Variants in XPR1 observed in about 807,000 individuals in gnomAD.
XPR1 encodes the protein solute carrier family 53 member 1.
XPR1 carries 28 observed loss-of-function variants against 87.5 expected under a neutral mutation model. The observed-to-expected ratio is 0.32, with a 90% confidence interval of 0.24 to 0.44. The LOEUF (loss-of-function observed/expected upper bound fraction) is 0.44, where lower values mean the gene tolerates loss of function less well. XPR1 is among the 20% of genes least tolerant of loss of function. The pLI, the probability that XPR1 is intolerant of heterozygous loss-of-function variation, is 1.00. For synonymous variants in XPR1, 300 were observed against 306.1 expected, an observed-to-expected ratio of 0.98 and a Z score of 0.21; for missense variants, 559 against 862.3, an observed-to-expected ratio of 0.65 and a Z score of 4.41.
intron 2 of XPR1, among the ~76,000 whole-genome samples, chr1:180,703,082 G>A (rs1468931952): frequency 6.6e-6 from 1 of 152,108 alleles, no homozygotes; most frequent in Non-Finnish European, 1.5e-5. Flanking sequence ...GTTTCTCATT[G>A]GCTTAGACTG....
chr1:180,831,162 C>T (rs1242445743), intron 9 of XPR1, among the ~76,000 whole-genome samples: 1 of 152,120 alleles, frequency 6.6e-6, no homozygotes, highest in Admixed American at 6.5e-5. Flanking sequence ...GAGTACCATC[C>T]TTTCCTACTT....
At chr1:180,688,274 A>G (rs925346279) in intron 2 of XPR1, among the ~76,000 whole-genome samples, 41 of 151,024 alleles carry the variant, frequency 2.7e-4, no homozygotes, top group Admixed American at 1.1e-3. Flanking sequence ...CCTGGCCAAC[A>G]TGGCCAGTTT....
intron 1 of XPR1, among the ~76,000 whole-genome samples, chr1:180,658,447 G>T (rs1200016990): frequency 2.6e-5 from 4 of 152,118 alleles, no homozygotes; most frequent in Non-Finnish European, 5.9e-5. Context: ...CTTTTATTGT[G>T]TTGAGGTATG....
intron 7 of XPR1, among the ~76,000 whole-genome samples, chr1:180,820,975 T>C (rs1468019950): frequency 2.6e-5 from 4 of 151,628 alleles, no homozygotes; most frequent in African/African-American, 9.7e-5. Flanking sequence ...TAGACCCTTA[T>C]ATTAGATAAA....
At chr1:180,825,066 A>G (rs1264459885) in intron 8 of XPR1, 99 bp from the exon 9 acceptor site, 2 of 1,501,008 alleles carry the variant, frequency 1.3e-6, no homozygotes, top group Non-Finnish European at 1.8e-6. Context: ...ATAACTAATC[A>G]TGTTTCTTAC....
chr1:180,670,168 A>G (rs1656116922), intron 1 of XPR1, among the ~76,000 whole-genome samples: 1 of 152,084 alleles, frequency 6.6e-6, no homozygotes, highest in Admixed American at 6.5e-5. Context: ...TGAATCATGT[A>G]TTTTTTATCT....
chr1:180,785,267 C>T (rs1031905891), intron 2 of XPR1, among the ~76,000 whole-genome samples: 1 of 151,902 alleles, frequency 6.6e-6, no homozygotes, highest in African/African-American at 2.4e-5. Context: ...ATTCTCCTGC[C>T]TCAGCCTCCC....
At chr1:180,861,554 A>T (rs1226046426) in intron 11 of XPR1, among the ~76,000 whole-genome samples, 1 of 152,130 alleles carries the variant, frequency 6.6e-6, no homozygotes, top group Non-Finnish European at 1.5e-5. Context: ...TTATGACATA[A>T]TGTTGTAGTA....
chr1:180,735,685 A>G (rs1351894276), intron 2 of XPR1, among the ~76,000 whole-genome samples: 1 of 152,230 alleles, frequency 6.6e-6, no homozygotes, highest in Non-Finnish European at 1.5e-5. Context: ...TACAGTTTGT[A>G]AAACAGACTT....
intron 12 of XPR1, among the ~76,000 whole-genome samples, chr1:180,873,004 T>A (rs1652551672): frequency 6.6e-6 from 1 of 152,070 alleles, no homozygotes; most frequent in South Asian, 2.1e-4. Flanking sequence ...TAGTATTACT[T>A]TGTTTAAAAA....
At chr1:180,642,584 C>T (rs1463451032) in intron 1 of XPR1, among the ~76,000 whole-genome samples, 1 of 151,834 alleles carries the variant, frequency 6.6e-6, no homozygotes, top group Non-Finnish European at 1.5e-5. Flanking sequence ...AATAGATTGC[C>T]CAAGGTCATG....
chr1:180,808,835 A>C (rs754532963), intron 6 of XPR1, among the ~76,000 whole-genome samples: 1 of 152,216 alleles, frequency 6.6e-6, no homozygotes, highest in Non-Finnish European at 1.5e-5. Flanking sequence ...GCTTTGGTGG[A>C]ATATAAAATG....
At chr1:180,761,154 A>G (rs1648008828) in intron 2 of XPR1, among the ~76,000 whole-genome samples, 1 of 152,256 alleles carries the variant, frequency 6.6e-6, no homozygotes, top group Admixed American at 6.5e-5. Flanking sequence ...ACCTAAAACC[A>G]TAAAAACCCT....
intron 11 of XPR1, among the ~76,000 whole-genome samples, chr1:180,852,653 G>A (rs1364282798): frequency 6.6e-6 from 1 of 151,964 alleles, no homozygotes; most frequent in Non-Finnish European, 1.5e-5. Context: ...GGCTCATGCA[G>A]CCCTCTCACC....
chr1:180,782,754 A>G (rs2102082046), intron 2 of XPR1, among the ~76,000 whole-genome samples: 1 of 152,082 alleles, frequency 6.6e-6, no homozygotes, highest in Non-Finnish European at 1.5e-5. Context: ...TTCACTTCAT[A>G]ATACCCATGT....
At chr1:180,799,545 A>G (rs2102111117) in intron 3 of XPR1, among the ~76,000 whole-genome samples, 1 of 152,354 alleles carries the variant, frequency 6.6e-6, no homozygotes, top group South Asian at 2.1e-4. Context: ...GCAAGGCTGT[A>G]TAGAATACCA....
At chr1:180,810,558 G>A (rs192960694) in intron 6 of XPR1, among the ~76,000 whole-genome samples, 9 of 151,672 alleles carry the variant, frequency 5.9e-5, no homozygotes, top group Middle Eastern at 3.4e-3. Flanking sequence ...CAGCCTAGGC[G>A]ATAGGACGAG....
intron 2 of XPR1, among the ~76,000 whole-genome samples, chr1:180,747,388 T>C (rs1647300753): frequency 6.6e-6 from 1 of 152,240 alleles, no homozygotes; most frequent in Admixed American, 6.5e-5. Flanking sequence ...CTCTAATCCA[T>C]TTAGTTGCTA....
chr1:180,714,355 CTCTCTCTCTCT>C (rs1392707417), intron 2 of XPR1, among the ~76,000 whole-genome samples: 2 of 65,896 alleles, frequency 3.0e-5, no homozygotes, highest in Non-Finnish European at 5.6e-5. Flanking sequence ...CCTGTTCTCT[CTCTCTCTCTCT>C]CTCTCTCTCT....
Sources: allele counts gnomAD v4.1 joint callset (sites outside exome capture counted in the v4.1 genomes callset), GRCh38; gene constraint gnomAD v4.1.1; transcripts MANE v1.5; gene names NCBI Gene and HGNC (gene_info 2026-07-23, HGNC 2026-07-21).